Variants in DENND5A observed in about 807,000 individuals in gnomAD.
DENND5A encodes the protein DENN domain containing 5A, also known as DENN domain-containing protein 5A.
In DENND5A, 64 loss-of-function variants were observed where a neutral mutation model predicts 140.3. That is an observed-to-expected ratio of 0.46 (90% CI 0.37 to 0.56). The LOEUF (loss-of-function observed/expected upper bound fraction) is 0.56. Ranked by LOEUF, DENND5A falls within the 20% of genes least tolerant of loss-of-function variation. The pLI is 0.00. For synonymous variants in DENND5A, 605 were observed against 607.7 expected, an observed-to-expected ratio of 1.00 and a Z score of 0.07; for missense variants, 1,292 against 1,593.8, an observed-to-expected ratio of 0.81 and a Z score of 3.22.
At chr11:9,261,923 C>G (rs2136309583) in intron 1 of DENND5A, among the ~76,000 whole-genome samples, 1 of 152,188 alleles carries the variant, frequency 6.6e-6, no homozygotes, top group Middle Eastern at 3.4e-3. Context: ...TCTCGGCATT[C>G]CACTACTGCA....
chr11:9,239,460 C>A (rs571653045), intron 1 of DENND5A, among the ~76,000 whole-genome samples: 1 of 151,960 alleles, frequency 6.6e-6, no homozygotes, highest in Admixed American at 6.6e-5. Flanking sequence ...CCTCAGCCTC[C>A]CAAGTAGCTG....
At position 9,178,145 on chromosome 11, in the gene DENND5A, A is replaced by C; in HGVS notation, c.1893T>G (p.Thr631=). 6.2e-7 allele frequency: 1 copy of C among 1,613,182 alleles called. No individual in the cohort carries two copies. Among genetic ancestry groups the C allele is most frequent in the South Asian group, 1.1e-5 (1 of 91,076 alleles). The change falls in exon 8 of 23, where the codon ACT becomes ACG. Residue 631 remains threonine, a synonymous_variant. Coordinates refer to ENST00000328194, the MANE Select transcript of DENND5A (RefSeq NM_015213.4). ...LRTSMYQKCT[T]VDEAEKAIEL... is the part of the protein sequence containing the mutation. ...AGGAGGCCTTACCTGCTTCATCCAC[A>C]GTGGTACACTTCTGGTACATGGATG...
In DENND5A at chr11:9,144,089, C is replaced by CAG; in HGVS notation, c.3304+7_3304+8insCT. The CAG allele has an allele frequency of 6.2e-7, 1 of 1,611,326 alleles. No individual in the cohort carries two copies. The highest frequency in any genetic ancestry group is 8.5e-7 in the Non-Finnish European group (1 of 1,178,644). On this transcript the variant is annotated splice_region_variant and intron_variant, in intron 19 of 22. Transcript: ENST00000328194. ...TGGCATGAGGGCCCAACCCCTCCTC[C>CAG]CACTTACTGGGCTTGTTGTTGGGTG...
In DENND5A at chr11:9,143,405, C is replaced by T. The variant is rs1191052428; in HGVS notation, c.3385G>A (p.Glu1129Lys). ...IVKHFHKPEK[E>K]RGSLTLLLCG... ...GATTGGAGGGCAGGAAGGCTCACCT[C>T]TTTCTCAGGCTTATGGAAGTGCTTC... Residue 1129 changes from glutamate to lysine, a missense_variant and splice_region_variant, in exon 20 of 23, where the codon GAG (glutamate) becomes AAG (lysine). By Grantham distance (56) the Glu-to-Lys change is moderately conservative. Coordinates refer to ENST00000328194, the MANE Select transcript of DENND5A (RefSeq NM_015213.4). The T allele has an allele frequency of 6.2e-7, 1 of 1,613,930 alleles. No homozygotes were observed. The highest frequency in any genetic ancestry group is 1.7e-5 in the Admixed American group (1 of 60,028).
rs1273593158 is a variant in DENND5A, at chr11:9,193,555, T to C, written c.1076A>G (p.Tyr359Cys). 9 of 1,613,588 alleles carry C rather than the reference T, an allele frequency of 5.6e-6. No individual in the cohort carries two copies. The highest frequency in any genetic ancestry group is 7.6e-6 in the Non-Finnish European group (9 of 1,179,898). ...LLHFLDAPVP[Y>C]LMGLHSNGLD... ...GCCATTGGAATGCAAACCCATCAGG[T>C]ATGGAACAGGAGCATCTAAGAAATG... Residue 359 changes from tyrosine to cysteine, a missense_variant, in exon 5 of 23, where the codon TAC becomes TGC. Tyr to Cys is a radical substitution (Grantham distance 194). Coordinates refer to ENST00000328194, the MANE Select transcript of DENND5A (RefSeq NM_015213.4).
At chr11:9,252,521 C>CA (rs1486495837) in intron 1 of DENND5A, among the ~76,000 whole-genome samples, 2 of 151,930 alleles carry the variant, frequency 1.3e-5, no homozygotes, top group African/African-American at 4.8e-5. Flanking sequence ...GTGGCGCTTG[C>CA]ATGTAGTCCC....
chr11:9,151,881 T>C (rs1195890745), intron 13 of DENND5A, among the ~76,000 whole-genome samples: 1 of 152,200 alleles, frequency 6.6e-6, no homozygotes, highest in Non-Finnish European at 1.5e-5. Flanking sequence ...TGCCACAAAC[T>C]CTGACATTTT....
intron 5 of DENND5A, among the ~76,000 whole-genome samples, chr11:9,191,272 C>T (rs898408020): frequency 7.9e-5 from 12 of 151,736 alleles, no homozygotes; most frequent in African/African-American, 2.7e-4. Context: ...TGCAGTGGCG[C>T]GATCCACCCA....
chr11:9,225,932 T>A (rs1486331175), intron 1 of DENND5A, among the ~76,000 whole-genome samples: 2 of 152,066 alleles, frequency 1.3e-5, no homozygotes, highest in African/African-American at 4.8e-5. Flanking sequence ...AACAAATAAA[T>A]TAGCTGAGTA....
At chr11:9,204,481 T>G (rs1218129381) in intron 3 of DENND5A, among the ~76,000 whole-genome samples, 164 bp from the exon 4 acceptor site, 1 of 152,170 alleles carries the variant, frequency 6.6e-6, no homozygotes, top group Non-Finnish European at 1.5e-5. Context: ...AATAAAATCA[T>G]AATGCAGTCA....
intron 1 of DENND5A, among the ~76,000 whole-genome samples, chr11:9,231,507 G>T (rs972227991): frequency 6.6e-6 from 1 of 151,982 alleles, no homozygotes; most frequent in African/African-American, 2.4e-5. Flanking sequence ...CCTGAGGTCG[G>T]GAGTTGGAGA....
At chr11:9,177,659 G>A (rs1329770246) in intron 8 of DENND5A, among the ~76,000 whole-genome samples, 1 of 150,908 alleles carries the variant, frequency 6.6e-6, no homozygotes, top group East Asian at 1.9e-4. Flanking sequence ...CTGTCACACA[G>A]GCAGAAAAAA....
At position 9,170,907 on chromosome 11, in the gene DENND5A, G is replaced by A. The variant is rs139530406; in HGVS notation, c.1907-130C>T. 2.4e-4 allele frequency: 357 copies of A among 1,460,304 alleles called. 1 individual carries two copies. In the East Asian group the frequency reaches 7.1e-3, roughly 29 times the overall value. The allele number at this position is 1,460,304 out of a possible 1,614,324, so 90.5% of individuals were successfully genotyped here. ...CAGCCAAGATAGAGTAAAAGGGACT[G>A]ATTTTCCTGCCTAATAGGAAAAAAC... On this transcript the variant is annotated intron_variant, in intron 8 of 22. Coordinates refer to ENST00000328194, the MANE Select transcript of DENND5A (RefSeq NM_015213.4).
chr11:9,260,712 A>G (rs1852158405), intron 1 of DENND5A, among the ~76,000 whole-genome samples: 1 of 152,194 alleles, frequency 6.6e-6, no homozygotes, highest in Non-Finnish European at 1.5e-5. Flanking sequence ...AAACAACTAC[A>G]TTACTTGCCT....
chr11:9,160,929 G>C, intron 11 of DENND5A, 64 bp from the exon 12 acceptor site: 2 of 1,536,986 alleles, frequency 1.3e-6, no homozygotes, highest in Non-Finnish European at 1.8e-6. Flanking sequence ...CAACCGGAGA[G>C]GGTTCTGACA....
At chr11:9,242,993 C>A (rs766071938) in intron 1 of DENND5A, among the ~76,000 whole-genome samples, 36 of 145,730 alleles carry the variant, frequency 2.5e-4, no homozygotes, top group Non-Finnish European at 4.8e-4. Context: ...GAGGTTGAGG[C>A]AGGAAGATCA....
At chr11:9,206,999 C>T (rs1849712160) in intron 2 of DENND5A, among the ~76,000 whole-genome samples, 1 of 152,156 alleles carries the variant, frequency 6.6e-6, no homozygotes, top group Admixed American at 6.6e-5. Context: ...ACATCACTAG[C>T]TGTCAGTTCT....
chr11:9,143,322 G>A (rs1165113334), intron 20 of DENND5A, 81 bp downstream of exon 20: 6 of 1,232,926 alleles, frequency 4.9e-6, no homozygotes, highest in African/African-American at 4.4e-5. Context: ...GCCTGGAAGA[G>A]CATAACAAGA....
intron 1 of DENND5A, among the ~76,000 whole-genome samples, chr11:9,236,010 A>AC (rs1366526497): frequency 2.0e-5 from 3 of 151,862 alleles, no homozygotes; most frequent in Non-Finnish European, 4.4e-5. Flanking sequence ...GGAGGACAAG[A>AC]CAAGAGGACT....
Sources: allele counts gnomAD v4.1 joint callset (sites outside exome capture counted in the v4.1 genomes callset), GRCh38; gene constraint gnomAD v4.1.1; transcripts MANE v1.5; gene names NCBI Gene and HGNC (gene_info 2026-07-23, HGNC 2026-07-21).